PHKB: variants seen among roughly 807,000 people sequenced by gnomAD.
PHKB encodes phosphorylase b kinase regulatory subunit beta.
PHKB carries 122 observed loss-of-function variants against 152.1 expected under a neutral mutation model. That is an observed-to-expected ratio of 0.80 (90% confidence interval 0.69 to 0.93). The LOEUF is 0.93. Ranked by LOEUF, PHKB falls within the 40% of genes least tolerant of loss-of-function variation. PHKB has a pLI of 0.00. For synonymous variants in PHKB, 436 were observed against 464.9 expected (o/e 0.94, Z 0.80); for missense variants, 1,304 against 1,328.4 (o/e 0.98, Z 0.29).
At chr16:47,635,877 T>TTTA (rs1972910596) in intron 14 of PHKB, among the ~76,000 whole-genome samples, 1 of 152,236 alleles carries the variant, frequency 6.6e-6, no homozygotes, top group Non-Finnish European at 1.5e-5. Context: ...ACTTAAGCAG[T>TTTA]TCCTGGCATG....
chr16:47,521,297 C>T (rs773555665), intron 6 of PHKB, among the ~76,000 whole-genome samples: 3 of 152,102 alleles, frequency 2.0e-5, no homozygotes, highest in East Asian at 1.9e-4. Context: ...ATAAGGGCTG[C>T]GAGTGGACAT....
At chr16:47,547,293 A>T in intron 6 of PHKB, 140 bp from the exon 7 acceptor site, 1 of 655,994 alleles carries the variant, frequency 1.5e-6, no homozygotes, top group Non-Finnish European at 2.7e-6. Context: ...CATGTTGGTC[A>T]TGCTGGTCTC....
chr16:47,583,002 G>T (rs1224616473), intron 8 of PHKB, among the ~76,000 whole-genome samples: 1 of 152,092 alleles, frequency 6.6e-6, no homozygotes, highest in African/African-American at 2.4e-5. Context: ...TCACCACGTT[G>T]GCCAGGCTGG....
intron 7 of PHKB, among the ~76,000 whole-genome samples, chr16:47,567,082 T>C (rs1971582412): frequency 6.6e-6 from 1 of 152,212 alleles, no homozygotes; most frequent in Non-Finnish European, 1.5e-5. Context: ...AGGATGGTTT[T>C]TGGTTGCATA....
chr16:47,516,974 T>C (rs1370762803), intron 6 of PHKB, among the ~76,000 whole-genome samples: 12 of 152,084 alleles, frequency 7.9e-5, no homozygotes, highest in Non-Finnish European at 1.6e-4. Context: ...TTAAGGAGCA[T>C]GCTAAAATAT....
intron 7 of PHKB, among the ~76,000 whole-genome samples, chr16:47,560,215 C>T (rs999346443): frequency 6.6e-6 from 1 of 152,150 alleles, no homozygotes; most frequent in Non-Finnish European, 1.5e-5. Context: ...ATTTTAAAGC[C>T]GCTCTGGGCT....
At chr16:47,476,146 A>AT (rs1969864613) in intron 1 of PHKB, among the ~76,000 whole-genome samples, 2 of 152,148 alleles carry the variant, frequency 1.3e-5, no homozygotes, top group South Asian at 4.1e-4. Context: ...CTGGGATTAT[A>AT]TGAGTGAGCC....
At chr16:47,554,056 C>T (rs1971321692) in intron 7 of PHKB, among the ~76,000 whole-genome samples, 1 of 152,058 alleles carries the variant, frequency 6.6e-6, no homozygotes, top group Non-Finnish European at 1.5e-5. Flanking sequence ...CCTTAGCAGA[C>T]TTGAGGTCCA....
At chr16:47,572,352 T>C (rs1408832294) in intron 7 of PHKB, among the ~76,000 whole-genome samples, 6 of 152,250 alleles carry the variant, frequency 3.9e-5, no homozygotes, top group African/African-American at 1.2e-4. Flanking sequence ...CTTATGTGCA[T>C]GTTGTGGATT....
intron 14 of PHKB, among the ~76,000 whole-genome samples, chr16:47,614,716 A>G (rs1972486179): frequency 6.6e-6 from 1 of 152,200 alleles, no homozygotes. Flanking sequence ...TTCATTGAGC[A>G]GCACATCAAA....
chr16:47,510,589 G>A (rs562913109), intron 4 of PHKB, among the ~76,000 whole-genome samples: 5 of 152,300 alleles, frequency 3.3e-5, no homozygotes, highest in African/African-American at 1.2e-4. Context: ...GATACACACA[G>A]CTAGTAAAAG....
At chr16:47,638,867 G>A (rs1463486871) in intron 14 of PHKB, among the ~76,000 whole-genome samples, 1 of 152,208 alleles carries the variant, frequency 6.6e-6, no homozygotes, top group Non-Finnish European at 1.5e-5. Flanking sequence ...GTGTTTGTCT[G>A]TAACCTATAA....
At chr16:47,670,720 C>T (rs1973623390) in intron 26 of PHKB, among the ~76,000 whole-genome samples, 1 of 152,102 alleles carries the variant, frequency 6.6e-6, no homozygotes, top group Admixed American at 6.5e-5. Context: ...GAACTCTTTA[C>T]CTTTAGTGAT....
At chr16:47,642,683 A>G (rs1286526202) in intron 16 of PHKB, among the ~76,000 whole-genome samples, 1 of 152,190 alleles carries the variant, frequency 6.6e-6, no homozygotes, top group East Asian at 1.9e-4. Context: ...GCAGGACTCC[A>G]GTATCAGGCC....
intron 6 of PHKB, among the ~76,000 whole-genome samples, chr16:47,515,923 A>G (rs1970587966): frequency 6.6e-6 from 1 of 151,700 alleles, no homozygotes; most frequent in African/African-American, 2.4e-5. Context: ...GATTTTCTCA[A>G]TTATTGTCTT....
At position 47,596,659 on chromosome 16, in the gene PHKB, T is replaced by A. The variant is rs1328082171; in HGVS notation, c.1363+128T>A. 5.1e-6 allele frequency: 4 copies of A among 781,778 alleles called. No homozygotes were observed. In the South Asian group the frequency reaches 6.6e-5, roughly 13 times the overall value. 48.4% of individuals were successfully genotyped at this position (781,778 alleles called of 1,614,324 possible). A position where few individuals can be genotyped will look rare whatever the true frequency, so the allele number is the denominator to read the frequency against. ...ATGGTCTTGAGAGGTCTTTAGGGAG[T>A]TTCCTAGTATCTAGTGGTATATTAA... On this transcript the variant is annotated intron_variant, in intron 13 of 30. Transcript: ENST00000323584.
At chr16:47,648,418 G>A (rs1415715676) in intron 16 of PHKB, 115 bp from the exon 17 acceptor site, 1 of 790,806 alleles carries the variant, frequency 1.3e-6, no homozygotes. Context: ...TTTGGATTAG[G>A]GTTCCCTAGC....
intron 1 of PHKB, among the ~76,000 whole-genome samples, chr16:47,488,324 C>G (rs1420942371): frequency 6.6e-6 from 1 of 152,052 alleles, no homozygotes; most frequent in Non-Finnish European, 1.5e-5. Flanking sequence ...AAATTGCTTA[C>G]AGATTCTGGA....
At chr16:47,474,073 C>T (rs1227163993) in intron 1 of PHKB, among the ~76,000 whole-genome samples, 1 of 152,032 alleles carries the variant, frequency 6.6e-6, no homozygotes, top group African/African-American at 2.4e-5. Context: ...GTCATATATG[C>T]TCTTTTTTCA....
Sources: allele counts gnomAD v4.1 joint callset (sites outside exome capture counted in the v4.1 genomes callset), GRCh38; gene constraint gnomAD v4.1.1; transcripts MANE v1.5; gene names NCBI Gene and HGNC (gene_info 2026-07-23, HGNC 2026-07-21).